The following RAB7A variants were observed in gnomAD, a reference collection of about 807,000 sequenced individuals.
RAB7A encodes the protein RAB7A, member RAS oncogene family.
RAB7A carries 2 observed loss-of-function variants against 24.5 expected under a neutral mutation model. That is an observed-to-expected ratio of 0.08 (90% confidence interval 0.03 to 0.26). The LOEUF is 0.26. RAB7A is among the 10% of genes least tolerant of loss of function. The pLI, the probability that RAB7A is intolerant of heterozygous loss-of-function variation, is 1.00. For missense variants in RAB7A, 118 were observed against 255.7 expected, an observed-to-expected ratio of 0.46 and a Z score of 3.67; for synonymous variants, 100 against 95.9, an observed-to-expected ratio of 1.04 and a Z score of -0.25.
intron 5 of RAB7A, among the ~76,000 whole-genome samples, chr3:128,812,328 T>C (rs1047310371): frequency 6.6e-6 from 1 of 152,214 alleles, no homozygotes; most frequent in African/African-American, 2.4e-5. Context: ...TTCGCCAGGC[T>C]GGTCTTGAAC....
intron 5 of RAB7A, among the ~76,000 whole-genome samples, chr3:128,808,172 C>T (rs1482080684): frequency 6.6e-6 from 1 of 152,034 alleles, no homozygotes; most frequent in East Asian, 1.9e-4. Flanking sequence ...GCCTGGCCAA[C>T]ATGGTGAAAC....
chr3:128,791,668 G>C (rs6804596), intron 1 of RAB7A, among the ~76,000 whole-genome samples: 41,116 of 152,064 alleles, frequency 0.27, 7,031 homozygotes, highest in African/African-American at 0.48. Context: ...CCATGGATAA[G>C]TGATGGGCCA....
chr3:128,758,820 G>A (rs1371875093), intron 1 of RAB7A, among the ~76,000 whole-genome samples: 2 of 152,042 alleles, frequency 1.3e-5, no homozygotes, highest in Admixed American at 6.6e-5. Flanking sequence ...GATTGCTCTC[G>A]GCCATCCCAC....
At chr3:128,767,374 T>TG (rs1265145850) in intron 1 of RAB7A, among the ~76,000 whole-genome samples, 1 of 152,220 alleles carries the variant, frequency 6.6e-6, no homozygotes, top group African/African-American at 2.4e-5. Context: ...GCCAAGCTCT[T>TG]GGAGTGCCTG....
chr3:128,784,745 A>G (rs899669244), intron 1 of RAB7A, among the ~76,000 whole-genome samples: 4 of 152,042 alleles, frequency 2.6e-5, no homozygotes, highest in African/African-American at 7.2e-5. Context: ...TCCTTCCCTA[A>G]TTCTCCCAAC....
intron 1 of RAB7A, among the ~76,000 whole-genome samples, chr3:128,728,558 G>A (rs1404843460): frequency 6.6e-6 from 1 of 152,166 alleles, no homozygotes; most frequent in African/African-American, 2.4e-5. Context: ...TGCCTCCCGG[G>A]TTCAAGCCAT....
In RAB7A at chr3:128,726,183, A is replaced by C. The variant is rs2070375494; in HGVS notation, c.-185A>C. On this transcript the variant is annotated 5_prime_UTR_variant, in exon 1 of 6. Transcript: ENST00000265062. The stretch of plus-strand genomic sequence containing the variant: ...GTGGCGGAAGTGGGAGCGGGCCTGG[A>C]GTCTTGGCCATAAAGCCTGAGGCGG... 6.5e-6 allele frequency: 1 copy of C among 154,104 alleles called. No individual in the cohort carries two copies. Among genetic ancestry groups the C allele is most frequent in the Non-Finnish European group, 1.4e-5 (1 of 69,034 alleles). 9.5% of individuals were successfully genotyped at this position (154,104 alleles called of 1,614,324 possible). A position where few individuals can be genotyped will look rare whatever the true frequency, so the allele number is the denominator to read the frequency against.
At chr3:128,811,191 A>AT in intron 5 of RAB7A, among the ~76,000 whole-genome samples, 1 of 152,060 alleles carries the variant, frequency 6.6e-6, no homozygotes, top group South Asian at 2.1e-4. Flanking sequence ...CAGTGGTGCA[A>AT]TCATCACTCG....
At chr3:128,772,206 C>A (rs1932964107) in intron 1 of RAB7A, among the ~76,000 whole-genome samples, 1 of 152,162 alleles carries the variant, frequency 6.6e-6, no homozygotes, top group Admixed American at 6.5e-5. Context: ...TTTACTTATC[C>A]ATGGACAAGA....
intron 1 of RAB7A, among the ~76,000 whole-genome samples, chr3:128,767,558 G>A (rs772158160): frequency 6.6e-6 from 1 of 152,162 alleles, no homozygotes; most frequent in Non-Finnish European, 1.5e-5. Context: ...GTATGGCTGG[G>A]GCTAAACCAG....
At chr3:128,762,652 C>A (rs1396482029) in intron 1 of RAB7A, among the ~76,000 whole-genome samples, 1 of 152,132 alleles carries the variant, frequency 6.6e-6, no homozygotes, top group African/African-American at 2.4e-5. Context: ...TGGGGCATTT[C>A]TTATTGTTGA....
intron 1 of RAB7A, among the ~76,000 whole-genome samples, chr3:128,750,658 G>A (rs2070671990): frequency 6.6e-6 from 1 of 152,174 alleles, no homozygotes; most frequent in Non-Finnish European, 1.5e-5. Flanking sequence ...ATAAAAGTTA[G>A]GAAAATTTGC....
chr3:128,771,994 T>C (rs1339894448), intron 1 of RAB7A, among the ~76,000 whole-genome samples: 1 of 152,196 alleles, frequency 6.6e-6, no homozygotes, highest in Non-Finnish European at 1.5e-5. Context: ...TGTTAAAAGA[T>C]AGTTTTCAAA....
At chr3:128,728,190 C>T (rs979129405) in intron 1 of RAB7A, among the ~76,000 whole-genome samples, 2 of 152,200 alleles carry the variant, frequency 1.3e-5, no homozygotes, top group African/African-American at 4.8e-5. Context: ...ATGATCTTGG[C>T]CAGAAATTCT....
At chr3:128,737,825 GTT>G (rs56027163) in intron 1 of RAB7A, among the ~76,000 whole-genome samples, 652 of 59,340 alleles carry the variant, frequency 0.011, 4 homozygotes, top group Middle Eastern at 0.018. Context: ...TTTTTTTGTA[GTT>G]TTTTTTTTTT....
intron 1 of RAB7A, among the ~76,000 whole-genome samples, chr3:128,759,962 G>A (rs1175365072): frequency 2.0e-5 from 3 of 152,080 alleles, no homozygotes; most frequent in African/African-American, 7.2e-5. Flanking sequence ...TGCCTGCCTC[G>A]GCCTCCCAAA....
At chr3:128,766,632 GGTTT>G (rs2070834234) in intron 1 of RAB7A, among the ~76,000 whole-genome samples, 1 of 151,876 alleles carries the variant, frequency 6.6e-6, no homozygotes, top group Non-Finnish European at 1.5e-5. Flanking sequence ...TTGGTTGGTT[GGTTT>G]GTTTGTTTAT....
intron 1 of RAB7A, among the ~76,000 whole-genome samples, chr3:128,789,644 A>G (rs1372815531): frequency 6.6e-6 from 1 of 151,544 alleles, no homozygotes; most frequent in African/African-American, 2.4e-5. Context: ...ATAGGCTTTT[A>G]AAAAATAATT....
At chr3:128,781,547 G>A (rs1365270230) in intron 1 of RAB7A, among the ~76,000 whole-genome samples, 2 of 152,062 alleles carry the variant, frequency 1.3e-5, no homozygotes, top group African/African-American at 2.4e-5. Context: ...ATGGTGGCGT[G>A]TGCCTGTAGT....
Sources: allele counts gnomAD v4.1 joint callset (sites outside exome capture counted in the v4.1 genomes callset), GRCh38; gene constraint gnomAD v4.1.1; transcripts MANE v1.5; gene names NCBI Gene and HGNC (gene_info 2026-07-23, HGNC 2026-07-21).